Variants in DNAH3 observed in about 807,000 individuals in gnomAD.
DNAH3 encodes dynein axonemal heavy chain 3.
In DNAH3, 332 loss-of-function variants were observed where a neutral mutation model predicts 432.5. That is an observed-to-expected ratio of 0.77 (90% CI 0.70 to 0.84). DNAH3 has a LOEUF of 0.84. DNAH3 is among the 40% of genes least tolerant of loss of function. The probability of loss-of-function intolerance (pLI) is 0.00; values close to 1 mark genes in which losing one functional copy is unlikely to be tolerated. For missense variants in DNAH3, 4,861 were observed against 5,114.0 expected (o/e 0.95, Z 1.51); for synonymous variants, 1,956 against 1,900.2 (o/e 1.03, Z -0.76).
chr16:21,018,894 CA>C (rs78615877), intron 41 of DNAH3, among the ~76,000 whole-genome samples: 27 of 148,088 alleles, frequency 1.8e-4, no homozygotes, highest in Middle Eastern at 3.5e-3. Context: ...CACTCTATCT[CA>C]AAAAAAAAAT....
chr16:20,981,234 G>GT (rs1266638761), intron 49 of DNAH3, among the ~76,000 whole-genome samples: 1 of 152,178 alleles, frequency 6.6e-6, no homozygotes, highest in Non-Finnish European at 1.5e-5. Context: ...GAAATGCAAA[G>GT]TACCAGTTGG....
intron 31 of DNAH3, among the ~76,000 whole-genome samples, chr16:21,047,467 C>A (rs1310183835): frequency 6.6e-6 from 1 of 152,036 alleles, no homozygotes; most frequent in Admixed American, 6.6e-5. Context: ...GTTGATCGCA[C>A]CGGCTCCTGA....
chr16:20,935,465 G>A, exon 61 of DNAH3: 1 of 1,611,908 alleles, frequency 6.2e-7, no homozygotes. Context: ...ATACCACAGG[G>A]GGCCCCTTGT....
chr16:20,976,396 T>G (rs147452205), intron 50 of DNAH3, among the ~76,000 whole-genome samples: 1,708 of 152,244 alleles, frequency 0.011, 38 homozygotes, highest in African/African-American at 0.037. Flanking sequence ...TTTCACCATG[T>G]TGGCCAGACT....
At chr16:21,119,353 C>G (rs1180864828) in intron 11 of DNAH3, among the ~76,000 whole-genome samples, 1 of 152,078 alleles carries the variant, frequency 6.6e-6, no homozygotes, top group Non-Finnish European at 1.5e-5. Context: ...CGCATTCGGC[C>G]GGGTGTGGTG....
At chr16:21,079,231 T>C (rs1394230139) in intron 20 of DNAH3, among the ~76,000 whole-genome samples, 2 of 152,202 alleles carry the variant, frequency 1.3e-5, no homozygotes, top group African/African-American at 4.8e-5. Context: ...CGGTTACTAG[T>C]GTGATCAATG....
At chr16:21,126,201 A>T (rs1423294918) in intron 8 of DNAH3, among the ~76,000 whole-genome samples, 1 of 152,022 alleles carries the variant, frequency 6.6e-6, no homozygotes, top group Non-Finnish European at 1.5e-5. Flanking sequence ...AACAAAAAGA[A>T]ATAGATGCTT....
At chr16:21,127,555 T>A in intron 8 of DNAH3, 132 bp downstream of exon 9, 1 of 1,107,646 alleles carries the variant, frequency 9.0e-7, no homozygotes, top group Non-Finnish European at 1.3e-6. Flanking sequence ...AAAGAGACTC[T>A]GTCTCAAAAA....
chr16:20,965,007 G>A (rs770455378), exon 53 of DNAH3: 2 of 1,614,138 alleles, frequency 1.2e-6, no homozygotes, highest in East Asian at 2.2e-5. Context: ...TTTGGGAGCA[G>A]ATTTCAATGT....
chr16:20,962,136 G>C (rs905265884), intron 53 of DNAH3, among the ~76,000 whole-genome samples: 10 of 151,594 alleles, frequency 6.6e-5, no homozygotes, highest in Non-Finnish European at 1.5e-4. Flanking sequence ...AGTCCAGCCT[G>C]GGCGATAGAG....
chr16:21,153,584 T>G (rs914172309), intron 1 of DNAH3, among the ~76,000 whole-genome samples: 6 of 151,918 alleles, frequency 3.9e-5, no homozygotes, highest in African/African-American at 7.3e-5. Context: ...ACGTGGAAGG[T>G]TTGTTCTTTC....
intron 19 of DNAH3, 134 bp from the exon 20 acceptor site, chr16:21,081,861 A>T: frequency 2.3e-5 from 14 of 614,532 alleles, no homozygotes; most frequent in Non-Finnish European, 3.3e-5. Context: ...GTGGCTGTTG[A>T]GCACCAGAGA....
chr16:21,149,918 C>T (rs897112146), intron 1 of DNAH3, among the ~76,000 whole-genome samples: 1 of 152,108 alleles, frequency 6.6e-6, no homozygotes, highest in Non-Finnish European at 1.5e-5. Context: ...CACATATTCC[C>T]AACACATTAA....
chr16:21,052,471 G>A (rs567567103), intron 28 of DNAH3, among the ~76,000 whole-genome samples: 44 of 152,304 alleles, frequency 2.9e-4, no homozygotes, highest in African/African-American at 8.4e-4. Flanking sequence ...GACTGGCTGC[G>A]TTCAAATTCT....
intron 20 of DNAH3, among the ~76,000 whole-genome samples, chr16:21,081,183 T>A (rs1187903950): frequency 6.6e-6 from 1 of 151,902 alleles, no homozygotes; most frequent in East Asian, 1.9e-4. Context: ...CCCCCCAGAG[T>A]GCTGAAATTA....
intron 41 of DNAH3, among the ~76,000 whole-genome samples, chr16:21,009,868 G>C (rs1202598061): frequency 7.7e-6 from 1 of 130,648 alleles, no homozygotes; most frequent in African/African-American, 2.8e-5. Flanking sequence ...CTGGACAAGA[G>C]AATGAGGCTC....
At chr16:20,965,470 C>A in intron 52 of DNAH3, 45 bp from the exon 53 acceptor site, 1 of 1,449,562 alleles carries the variant, frequency 6.9e-7, no homozygotes, top group South Asian at 1.6e-5. Context: ...GACATTCTGG[C>A]CAAGACTTAA....
chr16:21,061,885 T>C (rs2090373059), intron 25 of DNAH3, among the ~76,000 whole-genome samples: 1 of 152,220 alleles, frequency 6.6e-6, no homozygotes, highest in Admixed American at 6.5e-5. Flanking sequence ...GTAAGCTAGC[T>C]GGTGTCTGCA....
intron 11 of DNAH3, among the ~76,000 whole-genome samples, chr16:21,118,366 C>T (rs2092256768): frequency 1.3e-5 from 2 of 152,168 alleles, no homozygotes; most frequent in South Asian, 4.1e-4. Flanking sequence ...AGAAAACAAA[C>T]GATGGCTTTA....
Sources: allele counts gnomAD v4.1 joint callset (sites outside exome capture counted in the v4.1 genomes callset), GRCh38; gene constraint gnomAD v4.1.1; transcripts MANE v1.5; gene names NCBI Gene and HGNC (gene_info 2026-07-23, HGNC 2026-07-21).